The following PRKG1 variants were observed in gnomAD, a reference collection of about 807,000 sequenced individuals.
PRKG1 encodes cGMP-dependent protein kinase 1.
Under a neutral mutation model 88.1 loss-of-function variants are expected in PRKG1, and 35 were observed. The ratio of observed to expected loss-of-function variants is 0.40; its 90% CI spans 0.30 to 0.53. PRKG1 has a LOEUF of 0.53. Ranked by LOEUF, PRKG1 falls within the 20% of genes least tolerant of loss-of-function variation. PRKG1 has a pLI of 0.59. For synonymous variants in PRKG1, 303 were observed against 292.5 expected, an observed-to-expected ratio of 1.04 and a Z score of -0.37; for missense variants, 540 against 839.8, an observed-to-expected ratio of 0.64 and a Z score of 4.41.
intron 3 of PRKG1, among the ~76,000 whole-genome samples, chr10:51,687,176 T>C (rs1183562320): frequency 6.6e-6 from 1 of 152,238 alleles, no homozygotes; most frequent in Non-Finnish European, 1.5e-5. Flanking sequence ...ATTTGCTTAA[T>C]TTACAAATGT....
At chr10:51,341,855 G>T (rs966852702) in intron 2 of PRKG1, among the ~76,000 whole-genome samples, 3 of 152,258 alleles carry the variant, frequency 2.0e-5, no homozygotes, top group Non-Finnish European at 4.4e-5. Context: ...AGCAAGTCAC[G>T]TCTTACATGG....
intron 1 of PRKG1, among the ~76,000 whole-genome samples, chr10:51,049,749 C>T (rs1422689208): frequency 1.3e-5 from 2 of 152,110 alleles, no homozygotes; most frequent in Non-Finnish European, 2.9e-5. Flanking sequence ...GTCTTATGCC[C>T]AACATATAAT....
rs572629614 is a variant in PRKG1 at position 51,532,625 on chromosome 10, C to T, written c.592+64789C>T. Among the ~76,000 whole-genome samples the T allele has an allele frequency of 7.2e-5, 11 of 152,274 alleles. No homozygotes were observed. The East Asian group carries it at 1.3e-3, about 19-fold the overall frequency. On this transcript the variant is annotated intron_variant, in intron 3 of 17. Coordinates refer to ENST00000373980, the MANE Select transcript of PRKG1 (RefSeq NM_006258.4). ...CTCTGGATTTCTCATTACTGACAAA[C>T]AGCTCTTGACTTCACAAAAACACCA...
At chr10:51,697,748 C>T in intron 3 of PRKG1, 1 of 1,614,160 alleles carries the variant, frequency 6.2e-7, no homozygotes. Flanking sequence ...AATCAGGATA[C>T]TCTGCCTTTG....
At chr10:52,266,210 A>ATTATTG (rs869206956) in intron 10 of PRKG1, among the ~76,000 whole-genome samples, 3 of 150,810 alleles carry the variant, frequency 2.0e-5, no homozygotes, top group African/African-American at 7.4e-5. Context: ...TATTATTATT[A>ATTATTG]TTGTAAACTT....
At chr10:51,763,262 T>C (rs10999330) in intron 3 of PRKG1, among the ~76,000 whole-genome samples, 67,372 of 151,440 alleles carry the variant, frequency 0.44, 15,872 homozygotes, top group African/African-American at 0.56. Flanking sequence ...GACAGGATTC[T>C]ACTTTGTCGG....
chr10:51,541,244 G>A (rs1842293572), intron 3 of PRKG1, among the ~76,000 whole-genome samples: 1 of 152,060 alleles, frequency 6.6e-6, no homozygotes, highest in Non-Finnish European at 1.5e-5. Flanking sequence ...CAGGGTTCGC[G>A]CTCCTATAAG....
At chr10:51,317,374 G>A (rs753848810) in intron 2 of PRKG1, among the ~76,000 whole-genome samples, 1 of 152,132 alleles carries the variant, frequency 6.6e-6, no homozygotes, top group African/African-American at 2.4e-5. Flanking sequence ...ACAAATATTT[G>A]ATTTTAAGAT....
At chr10:51,798,540 T>C (rs1465016993) in intron 3 of PRKG1, among the ~76,000 whole-genome samples, 1 of 152,164 alleles carries the variant, frequency 6.6e-6, no homozygotes, top group East Asian at 1.9e-4. Flanking sequence ...AAGCTTCATC[T>C]TGGCCTTCTA....
At chr10:51,674,344 C>T (rs1316875561) in intron 3 of PRKG1, among the ~76,000 whole-genome samples, 1 of 152,042 alleles carries the variant, frequency 6.6e-6, no homozygotes, top group Admixed American at 6.6e-5. Context: ...AATCCCCCAA[C>T]AGGCCCTGGT....
chr10:52,015,163 A>T (rs2133179061), intron 5 of PRKG1, among the ~76,000 whole-genome samples: 1 of 152,208 alleles, frequency 6.6e-6, no homozygotes, highest in East Asian at 1.9e-4. Flanking sequence ...TAGGTTCTCC[A>T]CGAGGGCTCT....
chr10:51,520,251 A>G (rs1841701869), intron 3 of PRKG1, among the ~76,000 whole-genome samples: 2 of 142,574 alleles, frequency 1.4e-5, no homozygotes, highest in Non-Finnish European at 3.1e-5. Flanking sequence ...ACATATATGG[A>G]TATACATATA....
rs1262333134 is a variant in PRKG1 at position 51,105,231 on chromosome 10, T to C, written c.311+30330T>C. Among the ~76,000 whole-genome samples, 6 of 152,238 alleles carry C rather than the reference T, an allele frequency of 3.9e-5. No individual in the cohort carries two copies. In the East Asian group the frequency reaches 1.2e-3, roughly 29 times the overall value. On this transcript the variant is annotated intron_variant, in intron 1 of 17. Transcript: ENST00000373980. ...TTAATTAAAATGTATTCAAGTGTAA[T>C]TTATGGATAAATTGAAAAACATTCT...
At chr10:52,029,834 G>T (rs141855385) in intron 5 of PRKG1, among the ~76,000 whole-genome samples, 30 of 152,236 alleles carry the variant, frequency 2.0e-4, no homozygotes, top group African/African-American at 7.2e-4. Flanking sequence ...GTATCTGGCT[G>T]CGTGCTGGAC....
rs3029977 is a variant in PRKG1, at chr10:51,930,495, CTTTTTTTTTTTT to C, written c.762+22935_762+22946del. ...TTTTAAAAGAACCTTTTTTTTTCCT[CTTTTTTTTTTTT>C]TTTTTTTTTGAGACAGAGTCTCGTT... On this transcript the variant is annotated intron_variant, in intron 5 of 17. Coordinates refer to ENST00000373980, the MANE Select transcript of PRKG1 (RefSeq NM_006258.4). Among the ~76,000 whole-genome samples the C allele has an allele frequency of 2.0e-3, 210 of 104,450 alleles. 4 individuals carry two copies. The highest frequency in any genetic ancestry group is 7.2e-3 in the African/African-American group (201 of 27,760). The allele number at this position is 104,450 out of a possible 152,430, so 68.5% of individuals were successfully genotyped here.
chr10:51,624,020 C>A (rs995281739), intron 3 of PRKG1, among the ~76,000 whole-genome samples: 2 of 152,176 alleles, frequency 1.3e-5, no homozygotes, highest in Admixed American at 1.3e-4. Context: ...TTAAGAGTTG[C>A]ATCACATGTC....
At chr10:51,082,637 C>T (rs1844142743) in intron 1 of PRKG1, among the ~76,000 whole-genome samples, 1 of 151,910 alleles carries the variant, frequency 6.6e-6, no homozygotes, top group Non-Finnish European at 1.5e-5. Flanking sequence ...AACAAAAGAC[C>T]AGGATAAAGT....
At chr10:51,526,608 C>T (rs578082209) in intron 3 of PRKG1, among the ~76,000 whole-genome samples, 1 of 152,288 alleles carries the variant, frequency 6.6e-6, no homozygotes, top group Admixed American at 6.5e-5. Flanking sequence ...ACAGTTTTAT[C>T]ACATACATGT....
At chr10:52,282,527 C>G (rs1210785365) in intron 14 of PRKG1, among the ~76,000 whole-genome samples, 1 of 152,074 alleles carries the variant, frequency 6.6e-6, no homozygotes, top group Non-Finnish European at 1.5e-5. Flanking sequence ...AACTTTTGGT[C>G]TCATTATTGC....
Sources: gnomAD v4.1 joint callset for allele counts (sites outside exome capture counted in the v4.1 genomes callset) on GRCh38, gnomAD v4.1.1 for gene constraint, MANE v1.5 for transcripts, NCBI Gene and HGNC (gene_info 2026-07-23, HGNC 2026-07-21) for gene names.